Variants in CMSS1 observed in about 807,000 individuals in gnomAD.
CMSS1 encodes the protein protein CMSS1.
A neutral mutation model predicts 43.5 loss-of-function variants in CMSS1; 33 were observed. That is an observed-to-expected ratio of 0.76 (90% CI 0.57 to 1.01). CMSS1 has a LOEUF of 1.01. Ranked by LOEUF, CMSS1 falls within the 50% of genes least tolerant of loss-of-function variation. The probability of loss-of-function intolerance (pLI) is 0.00; values close to 1 mark genes in which losing one functional copy is unlikely to be tolerated. For synonymous variants in CMSS1, 115 were observed against 117.2 expected, an observed-to-expected ratio of 0.98 and a Z score of 0.12; for missense variants, 313 against 326.4, an observed-to-expected ratio of 0.96 and a Z score of 0.32.
At chr3:100,046,765 G>C (rs898768041) in intron 1 of CMSS1, among the ~76,000 whole-genome samples, 8 of 152,284 alleles carry the variant, frequency 5.3e-5, no homozygotes, top group African/African-American at 1.4e-4. Flanking sequence ...CTTCAAACCT[G>C]ATAAGGCCAG....
At chr3:100,087,951 C>T (rs1466906403) in intron 1 of CMSS1, among the ~76,000 whole-genome samples, 1 of 151,672 alleles carries the variant, frequency 6.6e-6, no homozygotes, top group Non-Finnish European at 1.5e-5. Context: ...CTGCCTCAGC[C>T]TCTCAAGTAG....
chr3:100,105,648 G>T (rs1347162095), intron 1 of CMSS1, among the ~76,000 whole-genome samples: 1 of 152,134 alleles, frequency 6.6e-6, no homozygotes, highest in African/African-American at 2.4e-5. Flanking sequence ...CTGAGGGAAG[G>T]TCATTAATTC....
At chr3:100,003,568 G>A (rs1024105988) in intron 1 of CMSS1, among the ~76,000 whole-genome samples, 2 of 152,100 alleles carry the variant, frequency 1.3e-5, no homozygotes, top group African/African-American at 4.8e-5. Flanking sequence ...TGTCAGAATT[G>A]GAATTAGAAT....
Position 100,162,290 on chromosome 3 carries a change from T to C in CMSS1, c.226-13T>C. The stretch of plus-strand genomic sequence containing the variant: ...AATATGTCGTCCCATTTTTCTTCTT[T>C]CTCATATCTTAGAAGAAAATTACTG... On this transcript the variant is annotated splice_polypyrimidine_tract_variant and intron_variant, in intron 3 of 9. Coordinates refer to ENST00000421999, the MANE Select transcript of CMSS1 (RefSeq NM_032359.4). 3 of 1,604,186 alleles carry C rather than the reference T, an allele frequency of 1.9e-6. No individual in the cohort carries two copies. Among genetic ancestry groups the C allele is most frequent in the South Asian group, 2.2e-5 (2 of 89,240 alleles).
Position 100,115,575 on chromosome 3 carries a change from GTCTCTCTCTCTCTCTCTCTCTCTC to G in CMSS1, c.65-31368_65-31345del, listed in dbSNP as rs66793218. Among the ~76,000 whole-genome samples, 457 of 97,966 alleles carry G rather than the reference GTCTCTCTCTCTCTCTCTCTCTCTC, an allele frequency of 4.7e-3. 1 individual carries two copies. The highest frequency in any genetic ancestry group is 9.6e-3 in the South Asian group (27 of 2,798). 64.3% of individuals were successfully genotyped at this position (97,966 alleles called of 152,430 possible). On this transcript the variant is annotated intron_variant, in intron 1 of 9. Transcript: ENST00000421999. Reference sequence around the variant, plus strand: ...TTTCTCTTTCTCTCTCTCTCTCTCTGTCTCTCTCTCTCTCTCTCTCTCTCTCTCTCTCTCTCTCTCTCTCTCTCT... The same window carrying G: ...TTTCTCTTTCTCTCTCTCTCTCTCTGTCTCTCTCTCTCTCTCTCTCTCTCT...
chr3:100,107,835 A>C (rs1003502434), intron 1 of CMSS1, among the ~76,000 whole-genome samples: 75 of 151,536 alleles, frequency 4.9e-4, no homozygotes, highest in African/African-American at 1.5e-3. Context: ...TGGAATCTTC[A>C]TTACATGATT....
At chr3:100,039,194 G>C (rs1404106498) in intron 1 of CMSS1, among the ~76,000 whole-genome samples, 1 of 152,116 alleles carries the variant, frequency 6.6e-6, no homozygotes, top group Non-Finnish European at 1.5e-5. Flanking sequence ...CACTGTAGTG[G>C]TGAAAACCAT....
intron 1 of CMSS1, among the ~76,000 whole-genome samples, chr3:99,856,866 C>T (rs1036431198): frequency 3.3e-5 from 5 of 152,148 alleles, no homozygotes; most frequent in African/African-American, 1.2e-4. Flanking sequence ...TCATATAATA[C>T]ACATATGAAA....
intron 1 of CMSS1, among the ~76,000 whole-genome samples, chr3:100,042,607 A>G (rs938054482): frequency 3.9e-5 from 6 of 152,222 alleles, no homozygotes; most frequent in Non-Finnish European, 8.8e-5. Context: ...CAGAGTACAT[A>G]ATTAGAACAA....
At chr3:100,115,036 T>C (rs1290391507) in intron 1 of CMSS1, 5 of 1,366,802 alleles carry the variant, frequency 3.7e-6, no homozygotes, top group Non-Finnish European at 5.0e-6. Context: ...TTGTTTTATA[T>C]TATTCAAGTG....
intron 1 of CMSS1, among the ~76,000 whole-genome samples, chr3:99,905,030 C>T (rs1225614337): frequency 6.6e-6 from 1 of 152,202 alleles, no homozygotes; most frequent in Non-Finnish European, 1.5e-5. Context: ...TGACTTCATC[C>T]TCTGCCACTG....
chr3:99,922,645 G>A (rs1046882648), intron 1 of CMSS1, among the ~76,000 whole-genome samples: 2 of 152,212 alleles, frequency 1.3e-5, no homozygotes, highest in African/African-American at 4.8e-5. Flanking sequence ...AGCCATTTGA[G>A]ATTGGTTACT....
intron 1 of CMSS1, chr3:100,109,823 G>A (rs1351686652): frequency 6.6e-6 from 1 of 151,384 alleles, no homozygotes; most frequent in Admixed American, 6.6e-5. Flanking sequence ...TGCTAAAGTA[G>A]ATTAAAAAGC....
At chr3:99,940,674 G>A (rs79834605) in intron 1 of CMSS1, among the ~76,000 whole-genome samples, 3,814 of 152,262 alleles carry the variant, frequency 0.025, 89 homozygotes, top group East Asian at 0.13. Flanking sequence ...AGATAAAAAT[G>A]CACCTTTCAG....
intron 1 of CMSS1, among the ~76,000 whole-genome samples, chr3:100,047,648 T>C (rs1172342720): frequency 1.3e-5 from 2 of 152,188 alleles, no homozygotes; most frequent in Non-Finnish European, 2.9e-5. Context: ...CAAGAGACAG[T>C]AGAGTTTTGT....
rs1488329897 is a variant in CMSS1 at position 100,021,950 on chromosome 3, TGTGTGTGTGTGAGA to T, written c.65-125021_65-125008del. On this transcript the variant is annotated intron_variant, in intron 1 of 9. Transcript: ENST00000421999. ...GTGTGTGTGTGTGTGTGTGTGTGTG[TGTGTGTGTGTGAGA>T]GAGAGAGAGAGAGAGAGAGAGAGAG... 4.3e-3 allele frequency among the ~76,000 whole-genome samples: 548 copies of T among 128,876 alleles called. 4 individuals carry two copies. Among genetic ancestry groups the T allele is most frequent in the East Asian group, 0.022 (94 of 4,332 alleles). The allele number at this position is 128,876 out of a possible 152,430, so 84.5% of individuals were successfully genotyped here. A position where few individuals can be genotyped will look rare whatever the true frequency, so the allele number is the denominator to read the frequency against.
intron 1 of CMSS1, among the ~76,000 whole-genome samples, chr3:100,085,441 G>GA (rs2107415851): frequency 6.6e-6 from 1 of 152,258 alleles, no homozygotes; most frequent in African/African-American, 2.4e-5. Flanking sequence ...TTGGGACTAT[G>GA]CTTTCTCCAA....
chr3:99,907,270 CAG>C (rs1706649033), intron 1 of CMSS1, among the ~76,000 whole-genome samples: 1 of 151,866 alleles, frequency 6.6e-6, no homozygotes. Flanking sequence ...TTTTTTGAGA[CAG>C]AGTCTCACTC....
intron 1 of CMSS1, among the ~76,000 whole-genome samples, chr3:100,087,379 G>C (rs1053818570): frequency 6.6e-6 from 1 of 152,208 alleles, no homozygotes; most frequent in African/African-American, 2.4e-5. Flanking sequence ...CAGTGGGTTA[G>C]TTTGGTTTTG....
Sources: allele counts gnomAD v4.1 joint callset (sites outside exome capture counted in the v4.1 genomes callset), GRCh38; gene constraint gnomAD v4.1.1; transcripts MANE v1.5; gene names NCBI Gene and HGNC (gene_info 2026-07-23, HGNC 2026-07-21).